The following DNAH14 variants were observed in gnomAD, a reference collection of about 807,000 sequenced individuals.
DNAH14 encodes dynein axonemal heavy chain 14, also known as axonemal beta dynein heavy chain 14.
Under a neutral mutation model 520.9 loss-of-function variants are expected in DNAH14, and 478 were observed. That is an observed-to-expected ratio of 0.92 (90% CI 0.85 to 0.99). The LOEUF is 0.99. Among genes scored for constraint, DNAH14 ranks in the 50% least tolerant of loss-of-function variants. DNAH14 has a pLI of 0.00. For synonymous variants in DNAH14, 1,581 were observed against 1,757.2 expected (o/e 0.90, Z 2.51); for missense variants, 4,831 against 5,234.5 (o/e 0.92, Z 2.38).
intron 46 of DNAH14, among the ~76,000 whole-genome samples, chr1:225,261,542 T>C (rs1369524454): frequency 2.0e-5 from 3 of 152,138 alleles, no homozygotes; most frequent in Admixed American, 2.0e-4. Flanking sequence ...AATTTGGTTT[T>C]ATTAGTCTTT....
At chr1:225,022,899 A>C (rs1045504432) in intron 10 of DNAH14, among the ~76,000 whole-genome samples, 2 of 152,228 alleles carry the variant, frequency 1.3e-5, no homozygotes, top group African/African-American at 4.8e-5. Flanking sequence ...ACACTATGGA[A>C]TACCACCCAG....
chr1:225,349,717 A>G (rs527453701), intron 71 of DNAH14, among the ~76,000 whole-genome samples: 11 of 152,204 alleles, frequency 7.2e-5, no homozygotes, highest in Non-Finnish European at 1.3e-4. Flanking sequence ...GACATGAGAT[A>G]ATGATAAAAG....
At chr1:225,335,395 A>G (rs28972367) in intron 66 of DNAH14, among the ~76,000 whole-genome samples, 26,605 of 66,500 alleles carry the variant, frequency 0.4, 7,886 homozygotes, top group East Asian at 0.66. Context: ...ACATATACAC[A>G]TGTGTACATG....
chr1:225,240,621 A>G lies in DNAH14; in HGVS notation c.6547A>G (p.Asn2183Asp). The G allele has an allele frequency of 1.3e-6, 2 of 1,550,302 alleles. No homozygotes were observed. Among genetic ancestry groups the G allele is most frequent in the Non-Finnish European group, 1.7e-6 (2 of 1,146,138 alleles). Residue 2183 changes from asparagine to aspartate, a missense_variant, in exon 43 of 86, where the codon AAT (asparagine) becomes GAT (aspartate). Physicochemically the swap from Asn to Asp is conservative, Grantham distance 23. Coordinates refer to ENST00000682510, the MANE Select transcript of DNAH14 (RefSeq NM_001367479.1). Reference protein sequence around the residue: ...RDENTWYPEKNPDKLTKIIQK... With the variant: ...RDENTWYPEKDPDKLTKIIQK... ...TGAAAATACATGGTATCCAGAGAAA[A>G]ATCCTGATAAATTAACAAAAATTAT...
intron 56 of DNAH14, among the ~76,000 whole-genome samples, chr1:225,301,922 T>A (rs949261309): frequency 2.2e-4 from 34 of 152,020 alleles, no homozygotes; most frequent in African/African-American, 8.2e-4. Context: ...AGGATAGCAT[T>A]TATCCTGACA....
intron 42 of DNAH14, among the ~76,000 whole-genome samples, chr1:225,238,978 T>G (rs2091795281): frequency 6.6e-6 from 1 of 152,174 alleles, no homozygotes; most frequent in African/African-American, 2.4e-5. Flanking sequence ...GCCAGCAGGC[T>G]GGAACAACTG....
At chr1:225,392,586 C>T in intron 84 of DNAH14, 135 bp downstream of exon 84, 1 of 1,090,702 alleles carries the variant, frequency 9.2e-7, no homozygotes, top group Non-Finnish European at 1.3e-6. Context: ...ATCAACAAGC[C>T]CTGCTTCAAG....
chr1:225,143,398 T>C (rs2079623557), intron 28 of DNAH14, among the ~76,000 whole-genome samples: 1 of 152,150 alleles, frequency 6.6e-6, no homozygotes, highest in Non-Finnish European at 1.5e-5. Context: ...TAATTTTAAA[T>C]TTTTCTTTTA....
intron 21 of DNAH14, among the ~76,000 whole-genome samples, chr1:225,096,365 G>A (rs3120993): frequency 0.26 from 39,523 of 151,974 alleles, 7,951 homozygotes; most frequent in African/African-American, 0.56. Context: ...ATAAAGTTAA[G>A]AAGTAAAAAA....
In DNAH14 at chr1:225,337,278, C is replaced by T. The variant is rs769384709; in HGVS notation, c.10093C>T (p.His3365Tyr). The T allele has an allele frequency of 6.4e-7, 1 of 1,551,582 alleles. No homozygotes were observed. The highest frequency in any genetic ancestry group is 1.2e-5 in the South Asian group (1 of 84,048). Reference protein sequence around the residue: ...MAQKYEISRWHNQGLPHGQYS... With the variant: ...MAQKYEISRWYNQGLPHGQYS... ...AATTTCATTGCAGATCAGCCGATGG[C>T]ATAATCAGGGACTGCCTCATGGTCA... Residue 3365 changes from histidine to tyrosine, a missense_variant, in exon 67 of 86, where the codon CAT (histidine) becomes TAT (tyrosine). Transcript: ENST00000682510.
chr1:225,247,505 A>T (rs557053657), intron 43 of DNAH14, among the ~76,000 whole-genome samples: 1 of 152,296 alleles, frequency 6.6e-6, no homozygotes, highest in South Asian at 2.1e-4. Flanking sequence ...ATGGAAGAAC[A>T]GTGATGAGCG....
At chr1:225,085,061 G>A (rs1162654227) in intron 20 of DNAH14, among the ~76,000 whole-genome samples, 2 of 152,016 alleles carry the variant, frequency 1.3e-5, no homozygotes, top group Non-Finnish European at 2.9e-5. Context: ...AGTCATATCT[G>A]TTCATAATCC....
chr1:225,318,906 T>A (rs2094512282), intron 61 of DNAH14, among the ~76,000 whole-genome samples: 2 of 152,188 alleles, frequency 1.3e-5, no homozygotes, highest in South Asian at 4.1e-4. Flanking sequence ...CATACCAGTA[T>A]TTTTTGTATC....
intron 3 of DNAH14, among the ~76,000 whole-genome samples, chr1:224,957,783 C>T (rs1310737731): frequency 6.6e-6 from 1 of 151,982 alleles, no homozygotes; most frequent in African/African-American, 2.4e-5. Flanking sequence ...CGTTCCAAAG[C>T]CAGACCAGAG....
chr1:225,014,776 T>C (rs2065077384), intron 10 of DNAH14, among the ~76,000 whole-genome samples: 1 of 152,202 alleles, frequency 6.6e-6, no homozygotes, highest in Non-Finnish European at 1.5e-5. Flanking sequence ...TCTGCAGCTG[T>C]TGGGCAAAAT....
intron 5 of DNAH14, among the ~76,000 whole-genome samples, chr1:224,965,758 GATA>G (rs1428732371): frequency 1.3e-5 from 2 of 152,176 alleles, no homozygotes; most frequent in African/African-American, 4.8e-5. Context: ...TTGAAATGGA[GATA>G]ATAATAGTTA....
At chr1:225,085,869 T>G (rs2073708263) in intron 21 of DNAH14, 80 bp downstream of exon 21, 5 of 1,375,600 alleles carry the variant, frequency 3.6e-6, no homozygotes, top group Non-Finnish European at 4.8e-6. Flanking sequence ...GTCTACAGTT[T>G]GCCTTTGAAT....
chr1:225,123,321 A>G (rs2148893425), intron 26 of DNAH14, among the ~76,000 whole-genome samples: 1 of 152,344 alleles, frequency 6.6e-6, no homozygotes, highest in South Asian at 2.1e-4. Flanking sequence ...AGAAAAGTAC[A>G]GATAATCTCA....
intron 71 of DNAH14, among the ~76,000 whole-genome samples, chr1:225,348,073 A>C (rs1275192292): frequency 1.3e-5 from 2 of 152,190 alleles, no homozygotes; most frequent in African/African-American, 4.8e-5. Flanking sequence ...AAAATGCAAA[A>C]ACTGAACTGA....
Sources: gnomAD v4.1 joint callset for allele counts (sites outside exome capture counted in the v4.1 genomes callset) on GRCh38, gnomAD v4.1.1 for gene constraint, MANE v1.5 for transcripts, NCBI Gene and HGNC (gene_info 2026-07-23, HGNC 2026-07-21) for gene names.